TTC7B: variants seen among roughly 807,000 people sequenced by gnomAD.
TTC7B encodes the protein tetratricopeptide repeat domain 7B.
Under a neutral mutation model 106.8 loss-of-function variants are expected in TTC7B, and 28 were observed. That is an observed-to-expected ratio of 0.26 (90% CI 0.19 to 0.36). TTC7B has a LOEUF of 0.36. Among genes scored for constraint, TTC7B ranks in the 10% least tolerant of loss-of-function variants. The pLI is 1.00. For missense variants in TTC7B, 862 were observed against 1,076.4 expected, an observed-to-expected ratio of 0.80 and a Z score of 2.79; for synonymous variants, 405 against 430.6, an observed-to-expected ratio of 0.94 and a Z score of 0.74.
intron 15 of TTC7B, among the ~76,000 whole-genome samples, chr14:90,637,408 C>G (rs1024726815): frequency 9.9e-5 from 15 of 151,822 alleles, no homozygotes; most frequent in South Asian, 2.1e-4. Flanking sequence ...AGAAAAACCC[C>G]CCCCCAGCCC....
chr14:90,637,834 T>C (rs1885008198), intron 15 of TTC7B, among the ~76,000 whole-genome samples: 1 of 152,208 alleles, frequency 6.6e-6, no homozygotes, highest in Non-Finnish European at 1.5e-5. Context: ...CAACTCTTAA[T>C]AAACCAGGAA....
intron 8 of TTC7B, among the ~76,000 whole-genome samples, chr14:90,679,401 T>C (rs1595274477): frequency 6.6e-6 from 1 of 152,326 alleles, no homozygotes; most frequent in East Asian, 1.9e-4. Context: ...GAGTCCATTT[T>C]ATACCTCCCA....
At chr14:90,729,988 T>G (rs919048172) in intron 5 of TTC7B, 87 bp downstream of exon 5, 22 of 1,347,750 alleles carry the variant, frequency 1.6e-5, no homozygotes, top group Admixed American at 7.8e-5. Context: ...AATTCCTTTA[T>G]TATAATAACT....
intron 4 of TTC7B, among the ~76,000 whole-genome samples, chr14:90,732,303 G>A (rs1889357379): frequency 6.6e-6 from 1 of 152,122 alleles, no homozygotes; most frequent in South Asian, 2.1e-4. Flanking sequence ...CATCATCCGA[G>A]CTGCCAGGAC....
chr14:90,591,159 G>A (rs1891942665), intron 18 of TTC7B, among the ~76,000 whole-genome samples: 1 of 152,142 alleles, frequency 6.6e-6, no homozygotes, highest in African/African-American at 2.4e-5. Context: ...TGGCCAACAT[G>A]GTGAAACCCT....
intron 3 of TTC7B, among the ~76,000 whole-genome samples, chr14:90,745,313 A>AGAAG (rs57917232): frequency 4.4e-5 from 6 of 135,994 alleles, no homozygotes; most frequent in African/African-American, 1.7e-4. Context: ...AAAAAAAAAA[A>AGAAG]AAGAAGAAGA....
chr14:90,771,117 A>G (rs1394664903), intron 3 of TTC7B, among the ~76,000 whole-genome samples: 1 of 152,138 alleles, frequency 6.6e-6, no homozygotes, highest in East Asian at 1.9e-4. Context: ...GATGGTGGTG[A>G]CAGTTGCACA....
rs1238377616 is a variant in TTC7B, at chr14:90,657,937, G to A, written c.1236+367C>T. ...ACATTTTCATCCAGTATCATGCACT[G>A]CCTAATATAACACATTGCTCAAGAT... On this transcript the variant is annotated intron_variant, in intron 10 of 19. Coordinates refer to ENST00000328459, the MANE Select transcript of TTC7B (RefSeq NM_001010854.2). This position sits in a 1 kb window ranked among gnomAD's most constrained non-coding sequence, Gnocchi z 4.2. 3.6e-6 allele frequency: 1 copy of A among 279,242 alleles called. No homozygotes were observed. Among genetic ancestry groups the A allele is most frequent in the African/African-American group, 2.2e-5 (1 of 45,252 alleles). The allele number at this position is 279,242 out of a possible 1,614,324, so 17.3% of individuals were successfully genotyped here.
intron 2 of TTC7B, among the ~76,000 whole-genome samples, chr14:90,782,589 ACT>A (rs777490807): frequency 9.2e-5 from 14 of 151,974 alleles, no homozygotes; most frequent in Non-Finnish European, 1.9e-4. Flanking sequence ...ACAGAGCGAG[ACT>A]CTGTCTCAAA....
chr14:90,734,948 T>C (rs910844611), intron 4 of TTC7B, among the ~76,000 whole-genome samples: 22 of 152,216 alleles, frequency 1.4e-4, no homozygotes, highest in Admixed American at 1.0e-3. Context: ...CACGCCCAGC[T>C]AATTTTTAAA....
chr14:90,731,792 A>G (rs917793460), intron 4 of TTC7B, among the ~76,000 whole-genome samples: 3 of 152,184 alleles, frequency 2.0e-5, no homozygotes, highest in Non-Finnish European at 4.4e-5. Context: ...GAGCTTCAAA[A>G]TCATCAGTAT....
chr14:90,726,541 A>C (rs1231310305), intron 5 of TTC7B, among the ~76,000 whole-genome samples: 1 of 152,106 alleles, frequency 6.6e-6, no homozygotes, highest in African/African-American at 2.4e-5. Flanking sequence ...GGAAGTCACA[A>C]TTTACCTCCT....
Position 90,527,881 on chromosome 14 carries a change from C to T in TTC7B, c.*13487G>A, listed in dbSNP as rs543319255. 2.6e-5 allele frequency: 4 copies of T among 151,142 alleles called. No individual in the cohort carries two copies. In the South Asian group the frequency reaches 8.5e-4, roughly 32 times the overall value. The allele number at this position is 151,142 out of a possible 1,614,324, so 9.4% of individuals were successfully genotyped here. On this transcript the variant is annotated 3_prime_UTR_variant, in exon 20 of 20. Coordinates refer to ENST00000328459, the MANE Select transcript of TTC7B (RefSeq NM_001010854.2). ...GCAGATGTGACTCACTTTATGATCA[C>T]ATCACAAGCTAAAGGAAAATGGCGA...
intron 5 of TTC7B, 50 bp from the exon 6 acceptor site, chr14:90,695,628 A>C: frequency 7.9e-7 from 1 of 1,269,498 alleles, no homozygotes; most frequent in Non-Finnish European, 1.1e-6. Context: ...TATTAATATT[A>C]AATATTTTAT....
rs922852823 is a variant in TTC7B, at chr14:90,802,653, C to T, written c.121+13522G>A. ...ACAGACACTTTGGAGCATGGGAATC[C>T]GACCTACTGAAGAGCGGCGGTGCTC... On this transcript the variant is annotated intron_variant, in intron 1 of 19. Transcript: ENST00000328459. This position sits in a 1 kb window ranked among gnomAD's most constrained non-coding sequence, Gnocchi z 4.7. Among the ~76,000 whole-genome samples, 1 of 152,154 alleles carries T rather than the reference C, an allele frequency of 6.6e-6. No individual in the cohort carries two copies.
In TTC7B at chr14:90,652,887, C is replaced by G. The variant is rs771956321; in HGVS notation, c.1471G>C (p.Gly491Arg). 6.2e-6 allele frequency: 10 copies of G among 1,614,230 alleles called. No individual in the cohort carries two copies. Among genetic ancestry groups the G allele is most frequent in the Non-Finnish European group, 8.5e-6 (10 of 1,180,036 alleles). ...SLQATDASLR[G>R]MQEVLQRKAL... is the part of the protein sequence containing the mutation. ...TTTCTCTGTAGGACCTCCTGCATCC[C>G]TCGCAAAGAAGCTAAGAAAAGGGTT... Residue 491 changes from glycine to arginine, a missense_variant, in exon 13 of 20, where the codon GGG becomes CGG. Physicochemically the swap from Gly to Arg is moderately radical, Grantham distance 125. Transcript: ENST00000328459.
chr14:90,599,230 C>T (rs1179946216), intron 17 of TTC7B, among the ~76,000 whole-genome samples: 2 of 152,194 alleles, frequency 1.3e-5, no homozygotes, highest in East Asian at 1.9e-4. Flanking sequence ...CTGTATTTGT[C>T]ACACGCAAGT....
intron 18 of TTC7B, among the ~76,000 whole-genome samples, chr14:90,580,980 C>T (rs564242817): frequency 2.3e-4 from 35 of 152,176 alleles, no homozygotes; most frequent in Non-Finnish European, 4.4e-4. Flanking sequence ...CCTGGCCGGT[C>T]CCTCCCTCGA....
intron 16 of TTC7B, among the ~76,000 whole-genome samples, chr14:90,611,402 C>A (rs1240893755): frequency 6.6e-6 from 1 of 152,202 alleles, no homozygotes; most frequent in Non-Finnish European, 1.5e-5. Flanking sequence ...TAAGGTGCAG[C>A]TGCTGGATTC....
Sources: allele counts gnomAD v4.1 joint callset (sites outside exome capture counted in the v4.1 genomes callset), GRCh38; gene constraint gnomAD v4.1.1; non-coding constraint Gnocchi (gnomAD v3.1); transcripts MANE v1.5; gene names NCBI Gene and HGNC (gene_info 2026-07-23, HGNC 2026-07-21).